The following SLC26A7 variants were observed in gnomAD, a reference collection of about 807,000 sequenced individuals.
SLC26A7 encodes anion exchange transporter.
In SLC26A7, 59 loss-of-function variants were observed where a neutral mutation model predicts 82.5. That is an observed-to-expected ratio of 0.72 (90% CI 0.58 to 0.89). SLC26A7 has a LOEUF of 0.89. Among genes scored for constraint, SLC26A7 ranks in the 40% least tolerant of loss-of-function variants. SLC26A7 has a pLI of 0.00. For synonymous variants in SLC26A7, 271 were observed against 274.3 expected, an observed-to-expected ratio of 0.99 and a Z score of 0.12; for missense variants, 820 against 793.0, an observed-to-expected ratio of 1.03 and a Z score of -0.41.
At chr8:91,213,778 A>C (rs1446336334) in intron 1 of SLC26A7, among the ~76,000 whole-genome samples, 1 of 152,180 alleles carries the variant, frequency 6.6e-6, no homozygotes, top group Non-Finnish European at 1.5e-5. Flanking sequence ...TGGAGAAGAA[A>C]GTAAACAGAA....
chr8:91,366,820 G>T, intron 14 of SLC26A7, 103 bp downstream of exon 14: 2 of 1,310,080 alleles, frequency 1.5e-6, no homozygotes, highest in South Asian at 1.5e-5. Flanking sequence ...CGAGTATTTC[G>T]AGACCTCTCC....
intron 2 of SLC26A7, among the ~76,000 whole-genome samples, chr8:91,285,177 A>G (rs1471416326): frequency 6.6e-6 from 1 of 152,240 alleles, no homozygotes; most frequent in Non-Finnish European, 1.5e-5. Context: ...CAGCACTTCA[A>G]TCTTCACATG....
chr8:91,228,292 T>C (rs1810264541), intron 2 of SLC26A7, among the ~76,000 whole-genome samples: 1 of 151,936 alleles, frequency 6.6e-6, no homozygotes, highest in African/African-American at 2.4e-5. Context: ...TGTTGGCGAG[T>C]GAGGAAATGA....
At chr8:91,350,431 C>G (rs1249540610) in intron 9 of SLC26A7, among the ~76,000 whole-genome samples, 2 of 138,490 alleles carry the variant, frequency 1.4e-5, no homozygotes, top group Non-Finnish European at 3.3e-5. Flanking sequence ...ATACGGTTCA[C>G]TTTTTTTGAA....
intron 15 of SLC26A7, among the ~76,000 whole-genome samples, chr8:91,375,226 G>T (rs1390394184): frequency 6.6e-6 from 1 of 151,878 alleles, no homozygotes. Flanking sequence ...GAGCATTTAT[G>T]CCTTTTATAT....
intron 4 of SLC26A7, among the ~76,000 whole-genome samples, chr8:91,309,511 G>A (rs1812417219): frequency 6.6e-6 from 1 of 151,462 alleles, no homozygotes; most frequent in African/African-American, 2.4e-5. Context: ...ATAATATATT[G>A]CAATATAATA....
chr8:91,285,060 C>T (rs561875146), intron 2 of SLC26A7, among the ~76,000 whole-genome samples: 1 of 152,318 alleles, frequency 6.6e-6, no homozygotes, highest in Admixed American at 6.5e-5. Flanking sequence ...AAGGTGTTGA[C>T]AGGTTTGGTT....
At chr8:91,310,878 T>C (rs1368984919) in intron 4 of SLC26A7, among the ~76,000 whole-genome samples, 2 of 151,574 alleles carry the variant, frequency 1.3e-5, no homozygotes, top group Non-Finnish European at 2.9e-5. Context: ...ACTTGGTCTC[T>C]CAAGCTGCCT....
intron 2 of SLC26A7, among the ~76,000 whole-genome samples, chr8:91,287,007 T>C (rs1334927741): frequency 6.6e-6 from 1 of 152,202 alleles, no homozygotes; most frequent in African/African-American, 2.4e-5. Context: ...TCCTCCTGTG[T>C]TTTGGCCATT....
intron 11 of SLC26A7, among the ~76,000 whole-genome samples, chr8:91,355,851 A>G (rs1384628457): frequency 6.6e-6 from 1 of 152,040 alleles, no homozygotes; most frequent in Non-Finnish European, 1.5e-5. Context: ...AGCATTAGGT[A>G]TGTCTCCAAA....
intron 9 of SLC26A7, chr8:91,344,028 G>C (rs1421459981): frequency 1.0e-6 from 1 of 979,228 alleles, no homozygotes; most frequent in Non-Finnish European, 1.2e-6. Flanking sequence ...TGATGATGAC[G>C]ATGTTGATGA....
intron 6 of SLC26A7, among the ~76,000 whole-genome samples, chr8:91,336,409 G>A (rs371428721): frequency 6.6e-6 from 1 of 152,072 alleles, no homozygotes; most frequent in African/African-American, 2.4e-5. Context: ...CACGAACCCT[G>A]TTGTGAACTT....
chr8:91,243,543 A>G (rs532381573), intron 2 of SLC26A7, among the ~76,000 whole-genome samples: 6 of 152,330 alleles, frequency 3.9e-5, no homozygotes, highest in South Asian at 4.1e-4. Flanking sequence ...TAGATTTCAC[A>G]TGGCAGAGTA....
chr8:91,216,461 CT>C (rs1466550482), intron 1 of SLC26A7, among the ~76,000 whole-genome samples: 1 of 152,114 alleles, frequency 6.6e-6, no homozygotes, highest in Non-Finnish European at 1.5e-5. Context: ...ATATTTGTTT[CT>C]TTCTCTAACT....
At chr8:91,255,529 C>G (rs78807622) in intron 2 of SLC26A7, among the ~76,000 whole-genome samples, 1,799 of 152,190 alleles carry the variant, frequency 0.012, 31 homozygotes, top group African/African-American at 0.042. Context: ...TATCTTCCTG[C>G]TAGTAACTTT....
chr8:91,319,968 T>C (rs1586405361), intron 5 of SLC26A7, among the ~76,000 whole-genome samples: 2 of 150,296 alleles, frequency 1.3e-5, no homozygotes, highest in Non-Finnish European at 1.5e-5. Flanking sequence ...CGGTTAAAGG[T>C]TTTGTGTGTG....
rs1461544120 is a variant in SLC26A7 at position 91,295,628 on chromosome 8, G to A, written c.402G>A (p.Val134=). The A allele has an allele frequency of 6.2e-7, 1 of 1,614,000 alleles. No homozygotes were observed. Among genetic ancestry groups the A allele is most frequent in the Non-Finnish European group, 8.5e-7 (1 of 1,180,008 alleles). Residue 134 remains valine (V), a synonymous_variant, in exon 4 of 19, where the codon GTG becomes GTA. Transcript: ENST00000276609. ...QNLTTQSNTS[V]LGLSDFEMQR... ...TCACCACACAGAGTAACACAAGCGT[G>A]CTGGGCTTATCCGACTTTGAAATGC...
At chr8:91,297,137 C>G (rs1404311835) in intron 4 of SLC26A7, among the ~76,000 whole-genome samples, 1 of 151,914 alleles carries the variant, frequency 6.6e-6, no homozygotes, top group African/African-American at 2.4e-5. Flanking sequence ...ATGGTTTTTA[C>G]TAGAGTTGGA....
chr8:91,369,397 A>G (rs987849509), intron 14 of SLC26A7, among the ~76,000 whole-genome samples: 1 of 150,914 alleles, frequency 6.6e-6, no homozygotes, highest in African/African-American at 2.4e-5. Flanking sequence ...CAGCATTTTC[A>G]TGTAGTGGTA....
Sources: gnomAD v4.1 joint callset for allele counts (sites outside exome capture counted in the v4.1 genomes callset) on GRCh38, gnomAD v4.1.1 for gene constraint, MANE v1.5 for transcripts, NCBI Gene and HGNC (gene_info 2026-07-23, HGNC 2026-07-21) for gene names.